ANKRD17: variants seen among roughly 807,000 people sequenced by gnomAD.
ANKRD17 encodes the protein ankyrin repeat domain 17, also known as ankyrin repeat domain-containing protein 17.
ANKRD17 carries 19 observed loss-of-function variants against 229.7 expected under a neutral mutation model. The ratio of observed to expected loss-of-function variants is 0.08; its 90% CI spans 0.06 to 0.12. The LOEUF (loss-of-function observed/expected upper bound fraction) is 0.12, where lower values mean the gene tolerates loss of function less well. ANKRD17 is among the 10% of genes least tolerant of loss of function. The probability of loss-of-function intolerance (pLI) is 1.00; values close to 1 mark genes in which losing one functional copy is unlikely to be tolerated. For missense variants in ANKRD17, 2,176 were observed against 3,176.8 expected (o/e 0.68, Z 7.57); for synonymous variants, 1,112 against 1,146.1 (o/e 0.97, Z 0.60).
At chr4:73,126,787 A>G (rs889438731) in intron 16 of ANKRD17, among the ~76,000 whole-genome samples, 1 of 152,116 alleles carries the variant, frequency 6.6e-6, no homozygotes, top group Non-Finnish European at 1.5e-5. Flanking sequence ...GCTGGAGTGC[A>G]GTGGCGCGAT....
intron 27 of ANKRD17, among the ~76,000 whole-genome samples, chr4:73,094,586 C>T (rs373704556): frequency 1.9e-4 from 29 of 151,908 alleles, no homozygotes; most frequent in African/African-American, 6.8e-4. Flanking sequence ...ACTATCTACA[C>T]GCTAATTATG....
At chr4:73,140,906 C>T (rs1372079980) in intron 14 of ANKRD17, among the ~76,000 whole-genome samples, 1 of 152,138 alleles carries the variant, frequency 6.6e-6, no homozygotes, top group Admixed American at 6.5e-5. Flanking sequence ...ATTCAGTTTC[C>T]CTGGAAGAAA....
chr4:73,158,836 G>A (rs1016016303), intron 3 of ANKRD17, among the ~76,000 whole-genome samples: 1 of 152,236 alleles, frequency 6.6e-6, no homozygotes, highest in Admixed American at 6.5e-5. Context: ...GCCATGTGAT[G>A]GCCTGTGCTG....
chr4:73,139,491 A>C (rs1262455508), intron 15 of ANKRD17, 40 bp downstream of exon 15: 1 of 1,554,776 alleles, frequency 6.4e-7, no homozygotes. Flanking sequence ...CGCCTTAAGC[A>C]AATCATATTT....
chr4:73,134,321 T>A (rs1319243125), intron 16 of ANKRD17, among the ~76,000 whole-genome samples: 1 of 152,032 alleles, frequency 6.6e-6, no homozygotes, highest in Non-Finnish European at 1.5e-5. Context: ...AAATTAAAAG[T>A]TTTATAATGT....
chr4:73,097,431 A>G (rs1723429518), intron 26 of ANKRD17, among the ~76,000 whole-genome samples, 159 bp from the exon 27 acceptor site: 1 of 142,700 alleles, frequency 7.0e-6, no homozygotes, highest in Admixed American at 6.8e-5. Context: ...TAATATAGAG[A>G]GCCTTTTTTT....
At chr4:73,131,129 A>G (rs1728145281) in intron 16 of ANKRD17, among the ~76,000 whole-genome samples, 1 of 152,230 alleles carries the variant, frequency 6.6e-6, no homozygotes, top group African/African-American at 2.4e-5. Flanking sequence ...TGATAGCAGC[A>G]AAGTATGTGG....
intron 2 of ANKRD17, among the ~76,000 whole-genome samples, chr4:73,167,327 TAGGG>T (rs1733371402): frequency 6.6e-6 from 1 of 151,554 alleles, no homozygotes. Context: ...GAAAGGGAAG[TAGGG>T]GGAAGGCTAG....
At chr4:73,195,610 G>C (rs2149084278) in intron 1 of ANKRD17, among the ~76,000 whole-genome samples, 1 of 152,000 alleles carries the variant, frequency 6.6e-6, no homozygotes, top group African/African-American at 2.4e-5. Flanking sequence ...CCGGGTTCAA[G>C]CTATTCTCCT....
At chr4:73,096,672 G>A (rs568631316) in intron 27 of ANKRD17, among the ~76,000 whole-genome samples, 1 of 152,106 alleles carries the variant, frequency 6.6e-6, no homozygotes, top group African/African-American at 2.4e-5. Context: ...TTTACTCTTG[G>A]ATACATATTA....
intron 15 of ANKRD17, among the ~76,000 whole-genome samples, chr4:73,137,579 A>G (rs1265161815): frequency 6.6e-6 from 1 of 152,182 alleles, no homozygotes; most frequent in African/African-American, 2.4e-5. Flanking sequence ...TGAGGCTGCA[A>G]AAGTCAGTGC....
At chr4:73,103,644 A>C (rs1724259973) in intron 24 of ANKRD17, among the ~76,000 whole-genome samples, 1 of 152,192 alleles carries the variant, frequency 6.6e-6, no homozygotes, top group African/African-American at 2.4e-5. Flanking sequence ...TTTTATGTGT[A>C]TTTTAAATAT....
rs1228623819 is a variant in ANKRD17, at chr4:73,098,453, G to T, written c.4641C>A (p.Thr1547=). The T allele has an allele frequency of 1.7e-5, 27 of 1,614,072 alleles. 1 individual carries two copies. Among genetic ancestry groups the T allele is most frequent in the South Asian group, 3.3e-5 (3 of 91,092 alleles). ...TTTTTIGISA[T]WTTLAGSHGK... is the part of the protein sequence containing the mutation. ...CATGAGAACCTGCCAAAGTTGTCCA[G>T]GTTGCAGATATACCTATGGTAGTAG... is the stretch of plus-strand genomic sequence containing the variant. Residue 1547 remains threonine, a synonymous_variant, in exon 26 of 34, where the codon ACC becomes ACA. Transcript: ENST00000358602.
At chr4:73,230,158 TAGA>T (rs1742904862) in intron 1 of ANKRD17, among the ~76,000 whole-genome samples, 1 of 152,052 alleles carries the variant, frequency 6.6e-6, no homozygotes, top group African/African-American at 2.4e-5. Context: ...TCGAGAAATG[TAGA>T]AGAATATCTA....
chr4:73,168,422 A>G (rs1240097249), intron 2 of ANKRD17, among the ~76,000 whole-genome samples: 1 of 151,076 alleles, frequency 6.6e-6, no homozygotes, highest in South Asian at 2.1e-4. Context: ...TATGATATAT[A>G]GTGCTAAATA....
chr4:73,145,724 G>A (rs1300458086), intron 10 of ANKRD17, among the ~76,000 whole-genome samples: 1 of 152,048 alleles, frequency 6.6e-6, no homozygotes, highest in Non-Finnish European at 1.5e-5. Flanking sequence ...TAACAAGCTC[G>A]AAGCACTTAT....
intron 2 of ANKRD17, among the ~76,000 whole-genome samples, chr4:73,168,044 G>A (rs1299712986): frequency 6.6e-6 from 1 of 151,976 alleles, no homozygotes; most frequent in Non-Finnish European, 1.5e-5. Flanking sequence ...CCCAGCTACA[G>A]CAGGAGGCTG....
chr4:73,130,927 C>T (rs1023642002), intron 16 of ANKRD17, among the ~76,000 whole-genome samples: 1 of 152,120 alleles, frequency 6.6e-6, no homozygotes, highest in African/African-American at 2.4e-5. Context: ...AAAATCTCTA[C>T]ATAATTCCTC....
At chr4:73,160,142 A>C (rs1251464532) in intron 3 of ANKRD17, among the ~76,000 whole-genome samples, 1 of 152,108 alleles carries the variant, frequency 6.6e-6, no homozygotes, top group Non-Finnish European at 1.5e-5. Context: ...AACGGTTGAA[A>C]ATGGTAACAT....
Sources: gnomAD v4.1 joint callset for allele counts (sites outside exome capture counted in the v4.1 genomes callset) on GRCh38, gnomAD v4.1.1 for gene constraint, MANE v1.5 for transcripts, NCBI Gene and HGNC (gene_info 2026-07-23, HGNC 2026-07-21) for gene names.